MALRD1: variants seen among roughly 807,000 people sequenced by gnomAD.
MALRD1 encodes the protein MAM and LDL-receptor class A domain-containing protein 1.
Under a neutral mutation model 242.1 loss-of-function variants are expected in MALRD1, and 247 were observed. That is an observed-to-expected ratio of 1.02 (90% CI 0.92 to 1.13). The LOEUF is 1.13. Among genes scored for constraint, MALRD1 ranks in the 50% most tolerant of loss-of-function variants. The probability of loss-of-function intolerance (pLI) is 0.00; values close to 1 mark genes in which losing one functional copy is unlikely to be tolerated. For missense variants in MALRD1, 2,989 were observed against 2,533.1 expected, an observed-to-expected ratio of 1.18 and a Z score of -3.86; for synonymous variants, 995 against 866.6, an observed-to-expected ratio of 1.15 and a Z score of -2.60.
intron 13 of MALRD1, among the ~76,000 whole-genome samples, chr10:19,171,436 A>G (rs1303663422): frequency 2.4e-5 from 2 of 84,338 alleles, no homozygotes. Flanking sequence ...ATACATATAT[A>G]TATATATATA....
chr10:19,307,671 A>G (rs1176638899), intron 21 of MALRD1, among the ~76,000 whole-genome samples: 1 of 151,544 alleles, frequency 6.6e-6, no homozygotes, highest in Admixed American at 6.6e-5. Flanking sequence ...TGCCAGAGAC[A>G]TAGTTATCCT....
At chr10:19,311,125 A>G (rs1842407678) in intron 21 of MALRD1, among the ~76,000 whole-genome samples, 1 of 151,468 alleles carries the variant, frequency 6.6e-6, no homozygotes, top group African/African-American at 2.4e-5. Flanking sequence ...CAGTAACAAT[A>G]ATAACATCTT....
chr10:19,437,768 T>A (rs916546593), intron 28 of MALRD1, among the ~76,000 whole-genome samples: 1 of 152,176 alleles, frequency 6.6e-6, no homozygotes, highest in Non-Finnish European at 1.5e-5. Context: ...TAGAGGCCCA[T>A]CGATACAGTA....
intron 1 of MALRD1, among the ~76,000 whole-genome samples, chr10:19,056,577 G>T (rs527722572): frequency 1.3e-5 from 2 of 152,024 alleles, no homozygotes; most frequent in African/African-American, 4.8e-5. Flanking sequence ...AGTTTTAACA[G>T]TTTTTTGTTA....
At chr10:19,130,967 A>T (rs1298633868) in intron 8 of MALRD1, among the ~76,000 whole-genome samples, 1 of 152,168 alleles carries the variant, frequency 6.6e-6, no homozygotes, top group East Asian at 1.9e-4. Flanking sequence ...TAGGGAAATG[A>T]TCTAGTGTAT....
rs186237989 is a variant in MALRD1 at position 19,289,006 on chromosome 10, A to G, written c.3419+5825A>G. 5.3e-5 allele frequency among the ~76,000 whole-genome samples: 8 copies of G among 152,096 alleles called. No individual in the cohort carries two copies. In the East Asian group the frequency reaches 1.2e-3, roughly 22 times the overall value. On this transcript the variant is annotated intron_variant, in intron 21 of 39. Coordinates refer to ENST00000454679, the MANE Select transcript of MALRD1 (RefSeq NM_001142308.3). Reference sequence around the variant, plus strand: ...TCTCTTTTGTCATTGTTTTTGTTCTATTAAGATGGCTCCAGTTTTTTATTT... The same window carrying G: ...TCTCTTTTGTCATTGTTTTTGTTCTGTTAAGATGGCTCCAGTTTTTTATTT...
chr10:19,107,059 C>T (rs765243116), intron 5 of MALRD1, among the ~76,000 whole-genome samples: 12 of 151,892 alleles, frequency 7.9e-5, no homozygotes, highest in Non-Finnish European at 1.5e-4. Context: ...TTTGATATAT[C>T]CTGGAGAAAA....
intron 32 of MALRD1, among the ~76,000 whole-genome samples, chr10:19,560,176 G>A (rs1835900049): frequency 6.6e-6 from 1 of 152,152 alleles, no homozygotes; most frequent in South Asian, 2.1e-4. Flanking sequence ...CTACTTTAAA[G>A]ACACATGCAT....
chr10:19,319,691 T>G (rs1239530063), intron 21 of MALRD1, among the ~76,000 whole-genome samples: 1 of 152,038 alleles, frequency 6.6e-6, no homozygotes, highest in East Asian at 1.9e-4. Flanking sequence ...GCTTGCTGTT[T>G]CCTCACGCGG....
At chr10:19,483,435 A>G (rs1248101557) in intron 29 of MALRD1, among the ~76,000 whole-genome samples, 1 of 152,164 alleles carries the variant, frequency 6.6e-6, no homozygotes, top group Non-Finnish European at 1.5e-5. Flanking sequence ...CAGAATCTAT[A>G]AGCAACTGAA....
intron 1 of MALRD1, among the ~76,000 whole-genome samples, chr10:19,059,643 T>G (rs1242338939): frequency 3.9e-5 from 6 of 152,090 alleles, no homozygotes. Context: ...CCGCCCACTG[T>G]GGCCTCCCAA....
intron 30 of MALRD1, among the ~76,000 whole-genome samples, chr10:19,494,526 T>C (rs189839858): frequency 6.8e-4 from 103 of 152,178 alleles, no homozygotes; most frequent in Middle Eastern, 3.4e-3. Flanking sequence ...CCAAAGAAGC[T>C]AAGAATAACA....
intron 28 of MALRD1, among the ~76,000 whole-genome samples, chr10:19,392,339 TTTAC>T (rs1175421327): frequency 6.6e-6 from 1 of 152,148 alleles, no homozygotes; most frequent in South Asian, 2.1e-4. Flanking sequence ...AACTCATTTG[TTTAC>T]TCCCAACCCT....
intron 29 of MALRD1, among the ~76,000 whole-genome samples, chr10:19,460,874 G>GC (rs766199874): frequency 3.3e-5 from 5 of 152,132 alleles, no homozygotes; most frequent in Non-Finnish European, 7.4e-5. Context: ...AGCACACTCT[G>GC]CGCAGTCCGG....
chr10:19,496,045 A>G (rs895727407), intron 30 of MALRD1, among the ~76,000 whole-genome samples: 2 of 152,206 alleles, frequency 1.3e-5, no homozygotes, highest in Non-Finnish European at 2.9e-5. Flanking sequence ...TAGGCACCCA[A>G]CACAGGAGTA....
At chr10:19,159,039 C>T (rs188932463) in intron 12 of MALRD1, among the ~76,000 whole-genome samples, 11 of 152,302 alleles carry the variant, frequency 7.2e-5, no homozygotes, top group Non-Finnish European at 8.8e-5. Context: ...GAGGAAAGGG[C>T]GAGCAGGTGC....
intron 1 of MALRD1, among the ~76,000 whole-genome samples, chr10:19,056,046 G>C (rs577153443): frequency 1.5e-4 from 23 of 152,194 alleles, no homozygotes; most frequent in Middle Eastern, 3.4e-3. Context: ...TGTTCTGTTG[G>C]TGTATGTGTC....
At chr10:19,589,195 A>G (rs1198550459) in intron 33 of MALRD1, among the ~76,000 whole-genome samples, 1 of 152,170 alleles carries the variant, frequency 6.6e-6, no homozygotes, top group East Asian at 1.9e-4. Context: ...AGATAGATAG[A>G]TGGGTGGATA....
chr10:19,235,571 ACACC>A (rs1838275688), intron 18 of MALRD1, among the ~76,000 whole-genome samples: 2 of 126,642 alleles, frequency 1.6e-5, no homozygotes, highest in African/African-American at 6.1e-5. Flanking sequence ...ACCCACACCC[ACACC>A]CACAGAGAGA....
Sources: allele counts gnomAD v4.1 joint callset (sites outside exome capture counted in the v4.1 genomes callset), GRCh38; gene constraint gnomAD v4.1.1; transcripts MANE v1.5; gene names NCBI Gene and HGNC (gene_info 2026-07-23, HGNC 2026-07-21).